Variants in MYO1D observed in about 807,000 individuals in gnomAD.
The protein encoded by MYO1D is unconventional myosin-Id.
Under a neutral mutation model 122.0 loss-of-function variants are expected in MYO1D, and 83 were observed. The observed-to-expected ratio is 0.68, with a 90% confidence interval of 0.57 to 0.82. The LOEUF is 0.82. Ranked by LOEUF, MYO1D falls within the 40% of genes least tolerant of loss-of-function variation. The probability of loss-of-function intolerance (pLI) is 0.00; values close to 1 mark genes in which losing one functional copy is unlikely to be tolerated. For missense variants in MYO1D, 1,157 were observed against 1,269.5 expected (o/e 0.91, Z 1.35); for synonymous variants, 464 against 446.9 (o/e 1.04, Z -0.48).
At chr17:32,537,926 CT>C (rs1347918834) in intron 21 of MYO1D, among the ~76,000 whole-genome samples, 1 of 152,106 alleles carries the variant, frequency 6.6e-6, no homozygotes, top group Non-Finnish European at 1.5e-5. Context: ...ATCTGGGCCA[CT>C]TATATCTTCA....
chr17:32,758,707 T>C (rs1476874001), intron 10 of MYO1D, among the ~76,000 whole-genome samples: 2 of 152,154 alleles, frequency 1.3e-5, no homozygotes, highest in African/African-American at 2.4e-5. Flanking sequence ...AAATTTTCCA[T>C]AATAAAAAAT....
At chr17:32,852,610 T>C (rs1365249941) in intron 1 of MYO1D, among the ~76,000 whole-genome samples, 1 of 152,200 alleles carries the variant, frequency 6.6e-6, no homozygotes, top group Non-Finnish European at 1.5e-5. Flanking sequence ...CAAAATTGTC[T>C]GTAGAATGTC....
In MYO1D at chr17:32,765,027, C is replaced by G. The variant is rs758967073; in HGVS notation, c.886G>C (p.Val296Leu). ...GDTPLIENGKVVSIIAELLST... is the reference protein window; with the variant it reads ...GDTPLIENGKLVSIIAELLST... Reference sequence around the variant, plus strand: ...AGCAATTCTGCTATGATAGATACTACTTTGCCATTCTCAATAAGAGGCGTG... The same window carrying G: ...AGCAATTCTGCTATGATAGATACTAGTTTGCCATTCTCAATAAGAGGCGTG... Residue 296 changes from valine to leucine, a missense_variant, in exon 8 of 22, where the codon GTA (valine) becomes CTA (leucine). Transcript: ENST00000318217. 1.2e-6 allele frequency: 2 copies of G among 1,614,112 alleles called. No individual in the cohort carries two copies. The highest frequency in any genetic ancestry group is 2.2e-5 in the South Asian group (2 of 91,088).
chr17:32,576,181 T>C (rs1460946312), intron 21 of MYO1D, among the ~76,000 whole-genome samples: 3 of 152,202 alleles, frequency 2.0e-5, no homozygotes, highest in Non-Finnish European at 4.4e-5. Flanking sequence ...CAAAGAACTT[T>C]GGAGAACTTG....
intron 21 of MYO1D, among the ~76,000 whole-genome samples, chr17:32,562,116 G>A (rs866455672): frequency 6.6e-6 from 1 of 151,940 alleles, no homozygotes; most frequent in South Asian, 2.1e-4. Flanking sequence ...TCAGCCACCC[G>A]AGGAGCTGGG....
At chr17:32,676,548 G>A (rs1235130502) in intron 16 of MYO1D, among the ~76,000 whole-genome samples, 1 of 151,994 alleles carries the variant, frequency 6.6e-6, no homozygotes, top group Non-Finnish European at 1.5e-5. Context: ...AGAGAAAAAC[G>A]TTCTCTCCTG....
Position 32,767,707 on chromosome 17 carries a change from T to C in MYO1D, c.760A>G (p.Met254Val). The C allele has an allele frequency of 2.5e-6, 4 of 1,613,938 alleles. No individual in the cohort carries two copies. The highest frequency in any genetic ancestry group is 2.5e-6 in the Non-Finnish European group (3 of 1,179,948). The change falls in exon 7 of 22, where the codon ATG (methionine) becomes GTG (valine). Residue 254 changes from methionine to valine, a missense_variant. By Grantham distance (21) the Met-to-Val change is conservative (BLOSUM62 1). Coordinates refer to ENST00000318217, the MANE Select transcript of MYO1D (RefSeq NM_015194.3). ...AAEFRVVADAMKVIGFKPEEI... is the reference protein window; with the variant it reads ...AAEFRVVADAVKVIGFKPEEI... ...TCAGGTTTGAAGCCAATGACTTTCA[T>C]GGCATCAGCAACAACTCTGAATTCG...
chr17:32,592,050 G>C lies in MYO1D; in HGVS notation c.2864+13037C>G, dbSNP rs148570930. Among the ~76,000 whole-genome samples the C allele has an allele frequency of 1.2e-4, 18 of 152,260 alleles. 1 individual carries two copies. In the East Asian group the frequency reaches 3.5e-3, roughly 29 times the overall value. ...TGATGAACTTTTATATGGTTTCTAA[G>C]TTTTCGCAATTAAAAACAATGTGTT... On this transcript the variant is annotated intron_variant, in intron 21 of 21. Coordinates refer to ENST00000318217, the MANE Select transcript of MYO1D (RefSeq NM_015194.3).
intron 14 of MYO1D, among the ~76,000 whole-genome samples, chr17:32,725,348 G>A (rs1301462223): frequency 2.6e-5 from 4 of 151,722 alleles, no homozygotes; most frequent in African/African-American, 4.8e-5. Context: ...GTGAAACCCC[G>A]TTTCTACTAA....
chr17:32,825,860 A>G (rs1027973578), intron 1 of MYO1D, among the ~76,000 whole-genome samples: 1 of 152,036 alleles, frequency 6.6e-6, no homozygotes, highest in Non-Finnish European at 1.5e-5. Flanking sequence ...CAATATAGCA[A>G]GATCTCATCT....
intron 21 of MYO1D, among the ~76,000 whole-genome samples, chr17:32,566,056 T>C (rs2087170707): frequency 2.0e-5 from 3 of 152,160 alleles, no homozygotes; most frequent in African/African-American, 7.2e-5. Flanking sequence ...AGATTGAATA[T>C]ATGCAGTGAT....
intron 21 of MYO1D, among the ~76,000 whole-genome samples, chr17:32,542,673 T>C (rs1367174274): frequency 6.6e-6 from 1 of 151,282 alleles, no homozygotes; most frequent in Non-Finnish European, 1.5e-5. Context: ...TTGCTAAATA[T>C]TTCCCGTATC....
intron 16 of MYO1D, among the ~76,000 whole-genome samples, chr17:32,666,486 T>C (rs2088636907): frequency 6.6e-6 from 1 of 152,236 alleles, no homozygotes; most frequent in Non-Finnish European, 1.5e-5. Context: ...TAACCAGATG[T>C]TTCATAATGC....
In MYO1D at chr17:32,776,728, T is replaced by C. The variant is rs564400562; in HGVS notation, c.399-699A>G. Among the ~76,000 whole-genome samples, 36 of 152,348 alleles carry C rather than the reference T, an allele frequency of 2.4e-4. No homozygotes were observed. In the East Asian group the frequency reaches 3.7e-3, roughly 15 times the overall value. ...CTTCACTAGTTCAGAAATTGCTCATTATTTTCTTTGAAGCTGTATGGAATT... is the reference window on the plus strand; with the variant it reads ...CTTCACTAGTTCAGAAATTGCTCATCATTTTCTTTGAAGCTGTATGGAATT... On this transcript the variant is annotated intron_variant, in intron 3 of 21. Transcript: ENST00000318217.
intron 21 of MYO1D, among the ~76,000 whole-genome samples, chr17:32,542,411 G>A (rs1910862503): frequency 6.6e-6 from 1 of 152,142 alleles, no homozygotes; most frequent in African/African-American, 2.4e-5. Context: ...GTGCGACAGG[G>A]AGGGGTGGCC....
chr17:32,804,897 T>C (rs968651504), intron 1 of MYO1D, among the ~76,000 whole-genome samples: 1 of 152,116 alleles, frequency 6.6e-6, no homozygotes, highest in Non-Finnish European at 1.5e-5. Context: ...CATGGTGAGG[T>C]TGCATGATGA....
intron 1 of MYO1D, among the ~76,000 whole-genome samples, chr17:32,816,677 TA>T (rs1470505631): frequency 6.6e-6 from 1 of 152,224 alleles, no homozygotes; most frequent in Non-Finnish European, 1.5e-5. Context: ...TTACAATTAG[TA>T]AATCCTGAGT....
At chr17:32,674,853 T>G (rs995660324) in intron 16 of MYO1D, among the ~76,000 whole-genome samples, 4 of 152,184 alleles carry the variant, frequency 2.6e-5, no homozygotes, top group African/African-American at 9.7e-5. Context: ...ACAGAGATAC[T>G]GGGCGAAGAT....
intron 21 of MYO1D, among the ~76,000 whole-genome samples, chr17:32,544,172 T>C (rs1399199361): frequency 6.6e-6 from 1 of 150,924 alleles, no homozygotes; most frequent in Admixed American, 6.6e-5. Flanking sequence ...CACTGCTCAC[T>C]GCAGCCTTGA....
Sources: gnomAD v4.1 joint callset for allele counts (sites outside exome capture counted in the v4.1 genomes callset) on GRCh38, gnomAD v4.1.1 for gene constraint, MANE v1.5 for transcripts, NCBI Gene and HGNC (gene_info 2026-07-23, HGNC 2026-07-21) for gene names.